Variants in EPB41L2 observed in about 807,000 individuals in gnomAD.
EPB41L2 encodes erythrocyte membrane protein band 4.1 like 2.
In EPB41L2, 43 loss-of-function variants were observed where a neutral mutation model predicts 113.0. The ratio of observed to expected loss-of-function variants is 0.38; its 90% CI spans 0.30 to 0.49. The LOEUF (loss-of-function observed/expected upper bound fraction) is 0.49, where lower values mean the gene tolerates loss of function less well. Ranked by LOEUF, EPB41L2 falls within the 20% of genes least tolerant of loss-of-function variation. The pLI is 0.95. For missense variants in EPB41L2, 1,147 were observed against 1,223.4 expected (o/e 0.94, Z 0.93); for synonymous variants, 442 against 436.7 (o/e 1.01, Z -0.15).
intron 1 of EPB41L2, among the ~76,000 whole-genome samples, chr6:131,051,023 A>G (rs528960086): frequency 1.3e-5 from 2 of 152,362 alleles, no homozygotes; most frequent in African/African-American, 4.8e-5. Context: ...GTGAGTATGT[A>G]TTGTTAAGTC....
At chr6:130,968,012 C>T (rs1415813854) in intron 1 of EPB41L2, among the ~76,000 whole-genome samples, 1 of 152,210 alleles carries the variant, frequency 6.6e-6, no homozygotes, top group Admixed American at 6.5e-5. Flanking sequence ...GCCAGCGAGT[C>T]TATTTTTCCT....
At chr6:130,980,049 A>G (rs1562651311) in intron 1 of EPB41L2, among the ~76,000 whole-genome samples, 2 of 152,210 alleles carry the variant, frequency 1.3e-5, no homozygotes, top group Non-Finnish European at 2.9e-5. Context: ...ACGAGAAAGA[A>G]GAGTCTAACG....
At chr6:130,878,879 T>C (rs763121198) in intron 13 of EPB41L2, among the ~76,000 whole-genome samples, 10 of 152,204 alleles carry the variant, frequency 6.6e-5, no homozygotes, top group Non-Finnish European at 1.3e-4. Flanking sequence ...TGCTTCTGTT[T>C]AGCCTCTTTA....
chr6:130,957,090 C>T (rs1817683140), intron 1 of EPB41L2, among the ~76,000 whole-genome samples: 1 of 152,072 alleles, frequency 6.6e-6, no homozygotes, highest in Non-Finnish European at 1.5e-5. Flanking sequence ...CGTAATTCAC[C>T]ATCACTGTTC....
intron 8 of EPB41L2, among the ~76,000 whole-genome samples, chr6:130,896,013 C>T (rs952387111): frequency 4.6e-5 from 7 of 152,254 alleles, no homozygotes; most frequent in East Asian, 1.9e-4. Flanking sequence ...AAGACTACCG[C>T]TCAAAGACAT....
intron 3 of EPB41L2, among the ~76,000 whole-genome samples, chr6:130,937,540 G>T (rs1809224232): frequency 6.6e-6 from 1 of 152,152 alleles, no homozygotes; most frequent in Non-Finnish European, 1.5e-5. Flanking sequence ...AAAATGATTG[G>T]CTGGGCGCGG....
rs1049416785 is a variant in EPB41L2 at position 130,952,875 on chromosome 6, C to T, written c.705+2230G>A. Among the ~76,000 whole-genome samples the T allele has an allele frequency of 2.6e-5, 4 of 151,220 alleles. No homozygotes were observed. The South Asian group carries it at 8.4e-4, about 32-fold the overall frequency. ...ATGATAGAAATTTTTGTGCTGGATA[C>T]ACAACTGTCTCCTCTATTATTTTTA... On this transcript the variant is annotated intron_variant, in intron 3 of 19. Coordinates refer to ENST00000337057, the MANE Select transcript of EPB41L2 (RefSeq NM_001431.4).
chr6:130,972,969 G>A (rs1484458373), intron 1 of EPB41L2, among the ~76,000 whole-genome samples: 6 of 139,270 alleles, frequency 4.3e-5, no homozygotes, highest in South Asian at 2.4e-4. Context: ...AAAAACAGCC[G>A]GGTGTGGTGG....
intron 14 of EPB41L2, among the ~76,000 whole-genome samples, chr6:130,870,715 T>C (rs376607442): frequency 7.9e-5 from 12 of 152,198 alleles, no homozygotes; most frequent in African/African-American, 2.6e-4. Context: ...TAAAACCTAG[T>C]AACAGTTTTG....
intron 1 of EPB41L2, among the ~76,000 whole-genome samples, chr6:131,040,779 T>C (rs1179356184): frequency 6.6e-6 from 1 of 152,212 alleles, no homozygotes; most frequent in Non-Finnish European, 1.5e-5. Flanking sequence ...CCATACAAAA[T>C]TGGCTATGAA....
chr6:131,006,489 C>CCATCTCTACTAAAAACAAACAACA (rs1351683912), intron 1 of EPB41L2, among the ~76,000 whole-genome samples: 8 of 151,648 alleles, frequency 5.3e-5, no homozygotes, highest in Non-Finnish European at 1.0e-4. Context: ...CGACAAAACC[C>CCATCTCTACTAAAAACAAACAACA]CGTCTCTACT....
chr6:131,040,729 A>T (rs926803793), intron 1 of EPB41L2, among the ~76,000 whole-genome samples: 1 of 152,234 alleles, frequency 6.6e-6, no homozygotes, highest in African/African-American at 2.4e-5. Flanking sequence ...TAATAGTGAG[A>T]TAACTGCATT....
At chr6:130,985,933 A>G (rs2128685224) in intron 1 of EPB41L2, among the ~76,000 whole-genome samples, 1 of 152,278 alleles carries the variant, frequency 6.6e-6, no homozygotes, top group African/African-American at 2.4e-5. Flanking sequence ...ACAATTTTAG[A>G]CCATATTTAT....
chr6:130,896,579 T>C lies in EPB41L2; in HGVS notation c.1237-1460A>G, dbSNP rs144030244. On this transcript the variant is annotated intron_variant, in intron 8 of 19. Coordinates refer to ENST00000337057, the MANE Select transcript of EPB41L2 (RefSeq NM_001431.4). ...TGGACAGGACAAGGAAGCTATTTTA[T>C]CTGACTTAAAAATAGACACAACGCA... 1.6e-3 allele frequency among the ~76,000 whole-genome samples: 246 copies of C among 152,352 alleles called. 1 individual carries two copies. Among genetic ancestry groups the C allele is most frequent in the African/African-American group, 5.7e-3 (237 of 41,576 alleles).
chr6:130,948,798 T>C (rs1445255367), intron 3 of EPB41L2, among the ~76,000 whole-genome samples: 3 of 152,206 alleles, frequency 2.0e-5, no homozygotes, highest in Non-Finnish European at 4.4e-5. Context: ...CAAGGTATTA[T>C]ATGATGGTAA....
intron 6 of EPB41L2, among the ~76,000 whole-genome samples, 173 bp from the exon 7 acceptor site, chr6:130,901,353 G>A (rs1002690500): frequency 2.6e-5 from 4 of 151,984 alleles, no homozygotes; most frequent in Admixed American, 1.3e-4. Flanking sequence ...TGCTCCTTGG[G>A]CTTCTAAACT....
chr6:131,059,479 A>G (rs954530003), intron 1 of EPB41L2, among the ~76,000 whole-genome samples: 3 of 152,256 alleles, frequency 2.0e-5, no homozygotes, highest in African/African-American at 7.2e-5. Context: ...GACATCAGGC[A>G]TTGACTCCAT....
chr6:130,896,405 C>A (rs957095446), intron 8 of EPB41L2, among the ~76,000 whole-genome samples: 2 of 152,234 alleles, frequency 1.3e-5, no homozygotes, highest in Non-Finnish European at 2.9e-5. Flanking sequence ...TGGCACCAGA[C>A]CCCATGGTGT....
chr6:130,889,715 T>G (rs1172760987), intron 11 of EPB41L2, among the ~76,000 whole-genome samples: 1 of 152,144 alleles, frequency 6.6e-6, no homozygotes, highest in African/African-American at 2.4e-5. Context: ...ATTAAAAGGT[T>G]CAGGAAATTG....
Sources: allele counts gnomAD v4.1 joint callset (sites outside exome capture counted in the v4.1 genomes callset), GRCh38; gene constraint gnomAD v4.1.1; transcripts MANE v1.5; gene names NCBI Gene and HGNC (gene_info 2026-07-23, HGNC 2026-07-21).